Variants in INO80 observed in about 807,000 individuals in gnomAD.
INO80 encodes the protein INO80 complex ATPase subunit, also known as chromatin-remodeling ATPase INO80.
INO80 carries 20 observed loss-of-function variants against 203.4 expected under a neutral mutation model. The ratio of observed to expected loss-of-function variants is 0.10; its 90% CI spans 0.07 to 0.14. The LOEUF is 0.14. Ranked by LOEUF, INO80 falls within the 10% of genes least tolerant of loss-of-function variation. INO80 has a pLI of 1.00. For synonymous variants in INO80, 726 were observed against 685.2 expected (o/e 1.06, Z -0.93); for missense variants, 1,419 against 1,914.4 (o/e 0.74, Z 4.83).
At chr15:41,000,104 G>A (rs1410297916) in intron 28 of INO80, among the ~76,000 whole-genome samples, 1 of 152,006 alleles carries the variant, frequency 6.6e-6, no homozygotes, top group Non-Finnish European at 1.5e-5. Flanking sequence ...CTCTTAAAAA[G>A]GATAAGTAAT....
At chr15:41,025,714 C>G (rs1307175374) in intron 25 of INO80, among the ~76,000 whole-genome samples, 25 of 150,920 alleles carry the variant, frequency 1.7e-4, no homozygotes, top group Non-Finnish European at 5.9e-5. Context: ...GGCTCCATCT[C>G]AAAAACAAAA....
chr15:41,090,701 C>T (rs1052030778), intron 5 of INO80, among the ~76,000 whole-genome samples: 4 of 151,966 alleles, frequency 2.6e-5, no homozygotes, highest in African/African-American at 9.7e-5. Context: ...TGGAATTAGG[C>T]AGTAATGATA....
intron 24 of INO80, among the ~76,000 whole-genome samples, chr15:41,043,103 T>G (rs892217118): frequency 2.0e-5 from 3 of 152,196 alleles, no homozygotes; most frequent in African/African-American, 7.2e-5. Context: ...AGGACCTCAC[T>G]AAGCAGACGC....
chr15:41,112,909 A>C (rs1212538397), intron 1 of INO80, among the ~76,000 whole-genome samples: 2 of 148,812 alleles, frequency 1.3e-5, no homozygotes, highest in South Asian at 4.3e-4. Flanking sequence ...TTTATATTTC[A>C]TGTGTATTTT....
chr15:41,103,592 T>C (rs1305772920), intron 1 of INO80, among the ~76,000 whole-genome samples: 1 of 152,108 alleles, frequency 6.6e-6, no homozygotes, highest in Admixed American at 6.6e-5. Flanking sequence ...GATTTTATCA[T>C]GTTGGCCAGG....
At chr15:41,068,026 A>C (rs560959094) in intron 14 of INO80, among the ~76,000 whole-genome samples, 48 of 152,242 alleles carry the variant, frequency 3.2e-4, no homozygotes, top group African/African-American at 9.4e-4. Flanking sequence ...CCCTACTTCA[A>C]CCTGAATTCT....
intron 1 of INO80, among the ~76,000 whole-genome samples, chr15:41,096,773 C>T (rs474351): frequency 0.12 from 17,563 of 152,238 alleles, 3,147 homozygotes; most frequent in African/African-American, 0.38. Flanking sequence ...CTCAGCATCA[C>T]CTTCAAAATA....
chr15:41,010,856 A>C (rs930720979), intron 27 of INO80, among the ~76,000 whole-genome samples: 6 of 152,322 alleles, frequency 3.9e-5, no homozygotes, highest in African/African-American at 1.4e-4. Flanking sequence ...ATGGTCCACA[A>C]ACCTGCAGAT....
At chr15:41,057,129 T>C (rs2045000558) in intron 16 of INO80, among the ~76,000 whole-genome samples, 1 of 151,948 alleles carries the variant, frequency 6.6e-6, no homozygotes, top group African/African-American at 2.4e-5. Flanking sequence ...GAGAAGAAAA[T>C]GTAAAATGAA....
chr15:41,092,148 T>C lies in INO80; in HGVS notation c.416A>G (p.Asp139Gly). Residue 139 changes from aspartate to glycine, a missense_variant, in exon 5 of 36, where the codon GAT becomes GGT. Asp to Gly is a moderately conservative substitution (Grantham distance 94, BLOSUM62 -1). This residue lies in a region of INO80 where 323 missense variants were observed against 325.4 expected (regional missense o/e 0.99). Coordinates refer to ENST00000648947, the MANE Select transcript of INO80 (RefSeq NM_017553.3). ...ILLSDESSEA[D>G]SQSEDDDEEE... is the part of the protein sequence containing the mutation. The stretch of plus-strand genomic sequence containing the variant: ...TTCATCATCGTCTTCACTCTGAGAA[T>C]CAGCCTCGCTGGATTCATCACTTAG... The C allele has an allele frequency of 6.2e-7, 1 of 1,609,532 alleles. No individual in the cohort carries two copies.
At chr15:41,057,885 G>T (rs958710467) in intron 16 of INO80, among the ~76,000 whole-genome samples, 10 of 151,076 alleles carry the variant, frequency 6.6e-5, no homozygotes, top group Non-Finnish European at 1.3e-4. Context: ...AGTTAACATG[G>T]ACCTCTAATA....
At chr15:41,082,639 G>A (rs2045502370) in intron 7 of INO80, among the ~76,000 whole-genome samples, 1 of 152,032 alleles carries the variant, frequency 6.6e-6, no homozygotes, top group Non-Finnish European at 1.5e-5. Flanking sequence ...GGGAGGTGGA[G>A]GTTGCAGTGA....
intron 16 of INO80, 68 bp downstream of exon 16, chr15:41,058,571 G>C: frequency 1.3e-5 from 2 of 159,712 alleles, no homozygotes; most frequent in Middle Eastern, 2.4e-3. Flanking sequence ...GTGTGTGTGC[G>C]TGTGTGTGTG....
At chr15:41,080,938 C>T (rs568783784) in intron 8 of INO80, 82 bp downstream of exon 8, 178 of 859,122 alleles carry the variant, frequency 2.1e-4, no homozygotes, top group Admixed American at 7.5e-4. Flanking sequence ...TTACGACGGA[C>T]AAGAGCAGCA....
chr15:41,103,503 C>T (rs999530805), intron 1 of INO80, among the ~76,000 whole-genome samples: 3 of 152,200 alleles, frequency 2.0e-5, no homozygotes, highest in Non-Finnish European at 4.4e-5. Flanking sequence ...AATTTTCCTG[C>T]CTCAGCCTCC....
chr15:41,096,592 T>C (rs956306805), intron 1 of INO80, among the ~76,000 whole-genome samples: 1 of 152,186 alleles, frequency 6.6e-6, no homozygotes, highest in Non-Finnish European at 1.5e-5. Context: ...CATTTCACAA[T>C]GAAAATTCAT....
chr15:41,078,932 G>A (rs2045443671), intron 9 of INO80, among the ~76,000 whole-genome samples: 1 of 152,124 alleles, frequency 6.6e-6, no homozygotes, highest in Admixed American at 6.6e-5. Flanking sequence ...TCTGAGCTCA[G>A]GAATTCAAAA....
intron 14 of INO80, among the ~76,000 whole-genome samples, chr15:41,067,198 T>A (rs1271555303): frequency 6.6e-6 from 1 of 152,064 alleles, no homozygotes; most frequent in African/African-American, 2.4e-5. Flanking sequence ...TGCCTCAGCC[T>A]CCCGAGTAGC....
chr15:41,094,826 C>T (rs1193872150), intron 4 of INO80, among the ~76,000 whole-genome samples: 1 of 152,054 alleles, frequency 6.6e-6, no homozygotes, highest in Non-Finnish European at 1.5e-5. Flanking sequence ...CAATAAGATG[C>T]CACAAGTGGA....
Sources: allele counts gnomAD v4.1 joint callset (sites outside exome capture counted in the v4.1 genomes callset), GRCh38; gene constraint gnomAD v4.1.1; regional missense constraint gnomAD v4.1.1; transcripts MANE v1.5; gene names NCBI Gene and HGNC (gene_info 2026-07-23, HGNC 2026-07-21).